The following TRIM2 variants were observed in gnomAD, a reference collection of about 807,000 sequenced individuals.
The protein encoded by TRIM2 is tripartite motif-containing protein 2.
A neutral mutation model predicts 75.2 loss-of-function variants in TRIM2; 20 were observed. The ratio of observed to expected loss-of-function variants is 0.27; its 90% CI spans 0.19 to 0.39. The LOEUF (loss-of-function observed/expected upper bound fraction) is 0.39. Among genes scored for constraint, TRIM2 ranks in the 10% least tolerant of loss-of-function variants. TRIM2 has a pLI of 1.00. For synonymous variants in TRIM2, 373 were observed against 388.3 expected, an observed-to-expected ratio of 0.96 and a Z score of 0.46; for missense variants, 660 against 990.8, an observed-to-expected ratio of 0.67 and a Z score of 4.48.
chr4:153,294,512 C>T (rs768988321), intron 5 of TRIM2, 27 bp downstream of exon 5: 3 of 1,603,234 alleles, frequency 1.9e-6, no homozygotes, highest in Non-Finnish European at 2.6e-6. Context: ...TACAGATGTC[C>T]TGGAAGAGAC....
chr4:153,162,052 T>A (rs1322240025), intron 1 of TRIM2, among the ~76,000 whole-genome samples: 2 of 152,234 alleles, frequency 1.3e-5, no homozygotes, highest in East Asian at 3.8e-4. Flanking sequence ...TTCTGTTGTC[T>A]GCATTCTTGC....
chr4:153,201,586 C>T (rs1251800971), upstream of TRIM2, among the ~76,000 whole-genome samples: 1 of 151,970 alleles, frequency 6.6e-6, no homozygotes, highest in Non-Finnish European at 1.5e-5. Flanking sequence ...ACTAGGGAGG[C>T]CCAAGCAGGA....
At chr4:153,315,280 G>C (rs1767349577) in intron 6 of TRIM2, among the ~76,000 whole-genome samples, 1 of 152,188 alleles carries the variant, frequency 6.6e-6, no homozygotes, top group African/African-American at 2.4e-5. Context: ...ACTTAAAAAA[G>C]TGATTTTGCA....
At chr4:153,254,681 C>T (rs1337044121) in intron 1 of TRIM2, among the ~76,000 whole-genome samples, 3 of 152,216 alleles carry the variant, frequency 2.0e-5, no homozygotes, top group Non-Finnish European at 4.4e-5. Flanking sequence ...AACAGTTGGA[C>T]TCATTTGCCA....
At position 153,295,245 on chromosome 4, in the gene TRIM2, G is replaced by A; in HGVS notation, c.787-68G>A. Reference sequence around the variant, plus strand: ...GTGTAGAGTCTCCTTCTCGCCGGTGGAGGGCACTGCCCCGGGCTAGGCCCC... The same window carrying A: ...GTGTAGAGTCTCCTTCTCGCCGGTGAAGGGCACTGCCCCGGGCTAGGCCCC... On this transcript the variant is annotated intron_variant, in intron 5 of 11. Transcript: ENST00000338700. The surrounding 1 kb of genome is among the most constrained non-coding windows in gnomAD (Gnocchi z 7.2). 11 of 1,446,614 alleles carry A rather than the reference G, an allele frequency of 7.6e-6. No homozygotes were observed. Among genetic ancestry groups the A allele is most frequent in the Non-Finnish European group, 1.0e-5 (11 of 1,098,136 alleles). The allele number at this position is 1,446,614 out of a possible 1,614,324, so 89.6% of individuals were successfully genotyped here.
At chr4:153,189,899 T>C (rs1440051246) in intron 1 of TRIM2, among the ~76,000 whole-genome samples, 1 of 152,230 alleles carries the variant, frequency 6.6e-6, no homozygotes, top group African/African-American at 2.4e-5. Context: ...AAGTGGGGTG[T>C]AGAGAATGAT....
chr4:153,266,778 C>A (rs937587754), intron 1 of TRIM2: 1 of 151,820 alleles, frequency 6.6e-6, no homozygotes, highest in East Asian at 1.9e-4. Flanking sequence ...AGAGATGACA[C>A]CCAGCCTGTT....
At chr4:153,183,793 G>T (rs80091133) in intron 1 of TRIM2, among the ~76,000 whole-genome samples, 7,746 of 152,236 alleles carry the variant, frequency 0.051, 248 homozygotes, top group African/African-American at 0.063. Flanking sequence ...TGAAGGAAAA[G>T]CTAGACCACA....
At chr4:153,224,010 C>T (rs1364733569) in intron 1 of TRIM2, among the ~76,000 whole-genome samples, 1 of 152,124 alleles carries the variant, frequency 6.6e-6, no homozygotes. Context: ...TGTTGCCTGA[C>T]AACTTGTATT....
Position 153,175,620 on chromosome 4 carries a change from G to A in TRIM2, c.-49+22350G>A, listed in dbSNP as rs72727849. Reference sequence around the variant, plus strand: ...GAGTAAGGAGGTCAAAGTGGCAATAGGCTACATATGCAACATGATGTCTTT... The same window carrying A: ...GAGTAAGGAGGTCAAAGTGGCAATAAGCTACATATGCAACATGATGTCTTT... On this transcript the variant is annotated intron_variant, in intron 1 of 11. Transcript: ENST00000437508. Among the ~76,000 whole-genome samples the A allele has an allele frequency of 4.4e-3, 669 of 152,282 alleles. 5 individuals carry two copies. The highest frequency in any genetic ancestry group is 7.3e-3 in the Non-Finnish European group (499 of 68,022).
intron 1 of TRIM2, among the ~76,000 whole-genome samples, chr4:153,227,628 T>C (rs1742495302): frequency 6.6e-6 from 1 of 152,196 alleles, no homozygotes; most frequent in African/African-American, 2.4e-5. Flanking sequence ...TGAATGGGAT[T>C]TGCATCTCGT....
chr4:153,219,018 A>G (rs1218131421), intron 1 of TRIM2, among the ~76,000 whole-genome samples: 2 of 152,052 alleles, frequency 1.3e-5, no homozygotes, highest in Non-Finnish European at 2.9e-5. Flanking sequence ...GCTTTGGATT[A>G]TAGTTAATTG....
intron 1 of TRIM2, among the ~76,000 whole-genome samples, chr4:153,171,459 G>A (rs59836294): frequency 0.036 from 5,524 of 152,130 alleles, 365 homozygotes; most frequent in African/African-American, 0.13. Context: ...GGTGGCGGGT[G>A]CCTGTAATCC....
intron 1 of TRIM2, among the ~76,000 whole-genome samples, chr4:153,260,698 C>CA (rs1560902891): frequency 1.3e-5 from 1 of 75,530 alleles, no homozygotes; most frequent in Non-Finnish European, 3.0e-5. Flanking sequence ...CCACCCCCCC[C>CA]CCCACACACA....
intron 1 of TRIM2, among the ~76,000 whole-genome samples, chr4:153,208,303 A>G (rs777189243): frequency 5.9e-5 from 9 of 151,918 alleles, no homozygotes; most frequent in Non-Finnish European, 1.3e-4. Flanking sequence ...AGGAAAGTAC[A>G]CTTTTTATTT....
At chr4:153,279,664 C>T (rs1197108374) in intron 3 of TRIM2, among the ~76,000 whole-genome samples, 5 of 151,938 alleles carry the variant, frequency 3.3e-5, no homozygotes, top group African/African-American at 1.2e-4. Flanking sequence ...AACATGAGGC[C>T]GAGCACAGTG....
chr4:153,203,514 A>T (rs187232095), upstream of TRIM2, among the ~76,000 whole-genome samples: 11 of 151,426 alleles, frequency 7.3e-5, no homozygotes, highest in Non-Finnish European at 1.3e-4. Flanking sequence ...GGTTCTAAAG[A>T]TGTACCAATC....
intron 1 of TRIM2, among the ~76,000 whole-genome samples, chr4:153,192,741 C>G (rs946279712): frequency 6.6e-6 from 1 of 152,126 alleles, no homozygotes; most frequent in East Asian, 1.9e-4. Context: ...ATCCAGGAGT[C>G]CCCGGGCCTT....
Position 153,315,957 on chromosome 4 carries a change from T to C in TRIM2, c.1740T>C (p.Asp580=), listed in dbSNP as rs756285274. Residue 580 remains aspartate (D), a synonymous_variant, in exon 8 of 12, where the codon GAT becomes GAC. Transcript: ENST00000338700. ...GGGACATAATCATTGCCGATTATGA[T>C]AATAAATGGGTCAGCATTTTCTCCT... The part of the protein sequence containing the change: ...PSGDIIIADY[D]NKWVSIFSSD... The C allele has an allele frequency of 4.4e-5, 71 of 1,600,370 alleles. No individual in the cohort carries two copies. Among genetic ancestry groups the C allele is most frequent in the Non-Finnish European group, 6.0e-5 (70 of 1,175,096 alleles).
Sources: allele counts gnomAD v4.1 joint callset (sites outside exome capture counted in the v4.1 genomes callset), GRCh38; gene constraint gnomAD v4.1.1; non-coding constraint Gnocchi (gnomAD v3.1); transcripts MANE v1.5; gene names NCBI Gene and HGNC (gene_info 2026-07-23, HGNC 2026-07-21).